The following EPHA5 variants were observed in gnomAD, a reference collection of about 807,000 sequenced individuals.
EPHA5 encodes ephrin type-A receptor 5.
Under a neutral mutation model 105.0 loss-of-function variants are expected in EPHA5, and 60 were observed. The observed-to-expected ratio is 0.57, with a 90% CI of 0.46 to 0.71. EPHA5 has a LOEUF of 0.71. EPHA5 is among the 30% of genes least tolerant of loss of function. The pLI, the probability that EPHA5 is intolerant of heterozygous loss-of-function variation, is 0.00. For missense variants in EPHA5, 1,218 were observed against 1,274.7 expected (o/e 0.96, Z 0.68); for synonymous variants, 513 against 449.1 (o/e 1.14, Z -1.80).
At chr4:65,428,574 C>T (rs1724675951) in intron 5 of EPHA5, among the ~76,000 whole-genome samples, 1 of 152,074 alleles carries the variant, frequency 6.6e-6, no homozygotes, top group Non-Finnish European at 1.5e-5. Flanking sequence ...TTTGAAACGA[C>T]CATTTTACCA....
At chr4:65,470,814 A>G (rs550070089) in intron 5 of EPHA5, among the ~76,000 whole-genome samples, 1 of 152,280 alleles carries the variant, frequency 6.6e-6, no homozygotes, top group Non-Finnish European at 1.5e-5. Context: ...CAAACTAAAT[A>G]TGGCCTGAGA....
At chr4:65,531,788 G>T (rs1318826214) in intron 3 of EPHA5, among the ~76,000 whole-genome samples, 1 of 152,152 alleles carries the variant, frequency 6.6e-6, no homozygotes, top group Non-Finnish European at 1.5e-5. Flanking sequence ...ATGATAAAGA[G>T]GTACCATATC....
intron 1 of EPHA5, among the ~76,000 whole-genome samples, chr4:65,647,031 A>G (rs1748166841): frequency 6.6e-6 from 1 of 152,220 alleles, no homozygotes; most frequent in Admixed American, 6.5e-5. Flanking sequence ...AGATAGCTAT[A>G]TAAAAAACAG....
At chr4:65,521,540 T>A (rs906270449) in intron 3 of EPHA5, among the ~76,000 whole-genome samples, 2 of 151,834 alleles carry the variant, frequency 1.3e-5, no homozygotes, top group Non-Finnish European at 2.9e-5. Flanking sequence ...AAGCAAAGGT[T>A]AAAATCTGTT....
In EPHA5 at chr4:65,625,317, C is replaced by CA. The variant is rs896815495; in HGVS notation, c.246+18045dup. Among the ~76,000 whole-genome samples, 764 of 150,598 alleles carry CA rather than the reference C, an allele frequency of 5.1e-3. 6 individuals are homozygous for CA. Among genetic ancestry groups the CA allele is most frequent in the African/African-American group, 0.017 (704 of 41,068 alleles). On this transcript the variant is annotated intron_variant, in intron 2 of 16. Coordinates refer to ENST00000613740, the MANE Select transcript of EPHA5 (RefSeq NM_001281766.3). ...TTTTTAAACTGCTAGTTTGTCATAC[C>CA]AAAAAAAATGAAATAATTACTTGTT...
In EPHA5 at chr4:65,496,616, A is replaced by G. The variant is rs182670580; in HGVS notation, c.911-1073T>C. Among the ~76,000 whole-genome samples, 1,063 of 151,090 alleles carry G rather than the reference A, an allele frequency of 7.0e-3. 14 individuals are homozygous for G. The highest frequency in any genetic ancestry group is 0.025 in the African/African-American group (1,026 of 41,074). On this transcript the variant is annotated intron_variant, in intron 3 of 16. Coordinates refer to ENST00000613740, the MANE Select transcript of EPHA5 (RefSeq NM_001281766.3). ...GGTGTATATGTGCCACATTTTCTTA[A>G]TCCAGTCTATCATTGTTGGACATTT...
intron 3 of EPHA5, among the ~76,000 whole-genome samples, chr4:65,533,680 A>G (rs1269841289): frequency 6.6e-6 from 1 of 152,194 alleles, no homozygotes; most frequent in Non-Finnish European, 1.5e-5. Flanking sequence ...CACGCCTGTA[A>G]TCCCAGAACT....
intron 3 of EPHA5, among the ~76,000 whole-genome samples, chr4:65,591,614 A>T (rs13122788): frequency 0.35 from 50,491 of 143,132 alleles, 8,533 homozygotes; most frequent in African/African-American, 0.43. Flanking sequence ...ATTTTTTTTA[A>T]AAAAAAAGCT....
chr4:65,425,284 T>C (rs1724321823), intron 5 of EPHA5, among the ~76,000 whole-genome samples: 1 of 152,112 alleles, frequency 6.6e-6, no homozygotes, highest in Non-Finnish European at 1.5e-5. Context: ...TACATTTGAT[T>C]CTATAGGTTA....
chr4:65,417,240 A>G (rs970568266), intron 6 of EPHA5, among the ~76,000 whole-genome samples: 1 of 152,244 alleles, frequency 6.6e-6, no homozygotes, highest in African/African-American at 2.4e-5. Context: ...TGGCAAATGC[A>G]TGTGCCCTGG....
chr4:65,580,442 C>T (rs1741498689), intron 3 of EPHA5, among the ~76,000 whole-genome samples: 1 of 151,716 alleles, frequency 6.6e-6, no homozygotes, highest in South Asian at 2.1e-4. Flanking sequence ...ATATAAAATG[C>T]AGTCCTTCCA....
At chr4:65,493,851 G>A (rs950443482) in intron 4 of EPHA5, among the ~76,000 whole-genome samples, 12 of 151,712 alleles carry the variant, frequency 7.9e-5, no homozygotes, top group African/African-American at 2.4e-4. Context: ...AAAGATAATG[G>A]GTAGACCACT....
At chr4:65,653,522 A>T (rs577464546) in intron 1 of EPHA5, among the ~76,000 whole-genome samples, 22 of 152,130 alleles carry the variant, frequency 1.4e-4, no homozygotes, top group Non-Finnish European at 2.8e-4. Flanking sequence ...CTAATTATCC[A>T]TCTCAAAATA....
chr4:65,562,619 C>T (rs1739132639), intron 3 of EPHA5, among the ~76,000 whole-genome samples: 1 of 151,948 alleles, frequency 6.6e-6, no homozygotes, highest in Non-Finnish European at 1.5e-5. Context: ...GCAAGGGGGT[C>T]ACAGAGAAGA....
intron 2 of EPHA5, among the ~76,000 whole-genome samples, chr4:65,631,405 A>T (rs977529054): frequency 8.5e-5 from 13 of 152,190 alleles, no homozygotes; most frequent in Non-Finnish European, 1.8e-4. Flanking sequence ...TAACAAGTGA[A>T]TATCTTTTCC....
chr4:65,608,722 T>C (rs535464683), intron 2 of EPHA5, among the ~76,000 whole-genome samples: 5 of 152,276 alleles, frequency 3.3e-5, no homozygotes, highest in African/African-American at 1.2e-4. Context: ...CAATTTTAGA[T>C]CAATTTTCCT....
chr4:65,565,385 C>T (rs2149364161), intron 3 of EPHA5, among the ~76,000 whole-genome samples: 1 of 151,776 alleles, frequency 6.6e-6, no homozygotes, highest in East Asian at 1.9e-4. Context: ...CATTTTGAAA[C>T]TTCTACCCTT....
chr4:65,605,336 A>G (rs1041504455), intron 2 of EPHA5, among the ~76,000 whole-genome samples: 6 of 152,156 alleles, frequency 3.9e-5, no homozygotes, highest in Non-Finnish European at 7.4e-5. Flanking sequence ...TTTCTACCCA[A>G]GCCGTTAGGA....
intron 3 of EPHA5, among the ~76,000 whole-genome samples, chr4:65,518,434 C>T (rs1372062855): frequency 6.6e-6 from 1 of 151,760 alleles, no homozygotes; most frequent in African/African-American, 2.4e-5. Flanking sequence ...CACACACACA[C>T]CCACACACAC....
Sources: gnomAD v4.1 joint callset for allele counts (sites outside exome capture counted in the v4.1 genomes callset) on GRCh38, gnomAD v4.1.1 for gene constraint, MANE v1.5 for transcripts, NCBI Gene and HGNC (gene_info 2026-07-23, HGNC 2026-07-21) for gene names.